Variants in SEMA5A observed in about 807,000 individuals in gnomAD.
SEMA5A encodes the protein semaphorin-5A.
In SEMA5A, 55 loss-of-function variants were observed where a neutral mutation model predicts 135.5. The observed-to-expected ratio is 0.41, with a 90% CI of 0.33 to 0.51. SEMA5A has a LOEUF of 0.51. Ranked by LOEUF, SEMA5A falls within the 20% of genes least tolerant of loss-of-function variation. The pLI, the probability that SEMA5A is intolerant of heterozygous loss-of-function variation, is 0.37. For synonymous variants in SEMA5A, 580 were observed against 546.5 expected, an observed-to-expected ratio of 1.06 and a Z score of -0.85; for missense variants, 1,290 against 1,419.9, an observed-to-expected ratio of 0.91 and a Z score of 1.47.
intron 2 of SEMA5A, among the ~76,000 whole-genome samples, chr5:9,393,152 C>A (rs1756239617): frequency 1.3e-5 from 2 of 152,114 alleles, no homozygotes; most frequent in African/African-American, 4.8e-5. Context: ...AAAAGTAACC[C>A]CCAAGTGTGT....
At chr5:9,353,448 G>A (rs1343538279) in intron 3 of SEMA5A, among the ~76,000 whole-genome samples, 1 of 151,572 alleles carries the variant, frequency 6.6e-6, no homozygotes, top group Non-Finnish European at 1.5e-5. Flanking sequence ...AAGTAAGAAG[G>A]AACCACCTCT....
chr5:9,088,659 T>TATATACACACACAC, intron 16 of SEMA5A, among the ~76,000 whole-genome samples: 1 of 112,814 alleles, frequency 8.9e-6, no homozygotes, highest in African/African-American at 4.3e-5. Flanking sequence ...TATATATATA[T>TATATACACACACAC]ACACACACAC....
chr5:9,305,975 T>C (rs910039922), intron 5 of SEMA5A, among the ~76,000 whole-genome samples: 2 of 152,164 alleles, frequency 1.3e-5, no homozygotes, highest in African/African-American at 4.8e-5. Context: ...CTTCTTCCAT[T>C]GTCTCCTGAG....
chr5:9,075,448 G>A (rs1027270267), intron 16 of SEMA5A, among the ~76,000 whole-genome samples: 1 of 151,888 alleles, frequency 6.6e-6, no homozygotes, highest in Non-Finnish European at 1.5e-5. Flanking sequence ...CAGATGGATA[G>A]CTAAACGAAT....
chr5:9,259,056 G>A (rs1347672402), intron 5 of SEMA5A, among the ~76,000 whole-genome samples: 2 of 152,008 alleles, frequency 1.3e-5, no homozygotes, highest in Middle Eastern at 3.4e-3. Context: ...TCCTGACCTC[G>A]GGTGATCTGC....
At chr5:9,136,794 T>G (rs1234428585) in intron 12 of SEMA5A, among the ~76,000 whole-genome samples, 173 bp from the exon 13 acceptor site, 1 of 152,220 alleles carries the variant, frequency 6.6e-6, no homozygotes, top group Non-Finnish European at 1.5e-5. Flanking sequence ...CTCCAGTAAG[T>G]ACCTAATATT....
intron 18 of SEMA5A, among the ~76,000 whole-genome samples, chr5:9,061,213 G>A (rs945238850): frequency 1.3e-5 from 2 of 151,936 alleles, no homozygotes; most frequent in African/African-American, 4.8e-5. Context: ...TTTCTGACCT[G>A]GATCATAACA....
At chr5:9,504,015 G>A (rs1410839768) in intron 1 of SEMA5A, among the ~76,000 whole-genome samples, 2 of 151,886 alleles carry the variant, frequency 1.3e-5, no homozygotes, top group South Asian at 4.2e-4. Context: ...AGGGATTTGA[G>A]ACTAGCCTGG....
chr5:9,201,742 G>T, intron 9 of SEMA5A, among the ~76,000 whole-genome samples: 1 of 152,292 alleles, frequency 6.6e-6, no homozygotes, highest in East Asian at 1.9e-4. Context: ...AAACTTTCTT[G>T]ATTTGGCGTA....
chr5:9,315,315 T>C (rs1752342104), intron 5 of SEMA5A, among the ~76,000 whole-genome samples: 2 of 152,192 alleles, frequency 1.3e-5, no homozygotes, highest in Admixed American at 1.3e-4. Context: ...GTTACAGAAA[T>C]GATATCCATT....
At chr5:9,132,571 A>G (rs1326491119) in intron 13 of SEMA5A, among the ~76,000 whole-genome samples, 1 of 152,210 alleles carries the variant, frequency 6.6e-6, no homozygotes, top group African/African-American at 2.4e-5. Context: ...TCCAATTTAA[A>G]TCACTCAGCC....
intron 5 of SEMA5A, among the ~76,000 whole-genome samples, chr5:9,317,542 C>T (rs1231287819): frequency 4.6e-5 from 7 of 152,122 alleles, no homozygotes; most frequent in African/African-American, 1.7e-4. Context: ...TAAAACCTAG[C>T]TCTGAAGTTC....
intron 5 of SEMA5A, among the ~76,000 whole-genome samples, chr5:9,309,765 T>A (rs1279609605): frequency 6.6e-6 from 1 of 152,154 alleles, no homozygotes; most frequent in East Asian, 1.9e-4. Flanking sequence ...AGTAAAATCT[T>A]AGTCCTCATC....
chr5:9,416,321 A>T (rs1397339812), intron 2 of SEMA5A, among the ~76,000 whole-genome samples: 1 of 152,124 alleles, frequency 6.6e-6, no homozygotes, highest in Non-Finnish European at 1.5e-5. Flanking sequence ...TCACTGGGGG[A>T]GTGGACTGTC....
At position 9,109,028 on chromosome 5, in the gene SEMA5A, A is replaced by ATTTTTTTTTTTTT. The variant is rs67762219; in HGVS notation, c.1926-754_1926-742dup. On this transcript the variant is annotated intron_variant, in intron 15 of 22. Transcript: ENST00000382496. ...TCATGAGTCATATTATTTCTCTTCA[A>ATTTTTTTTTTTTT]TTTTTTTTTTTTTTTTTTTTTTTTT... Among the ~76,000 whole-genome samples, 132 of 92,430 alleles carry ATTTTTTTTTTTTT rather than the reference A, an allele frequency of 1.4e-3. 9 individuals carry two copies. Among genetic ancestry groups the ATTTTTTTTTTTTT allele is most frequent in the African/African-American group, 2.2e-3 (47 of 21,750 alleles). 60.6% of individuals were successfully genotyped at this position (92,430 alleles called of 152,430 possible).
chr5:9,042,641 A>C lies in SEMA5A; in HGVS notation c.*256T>G, dbSNP rs1215335443. Reference sequence around the variant, plus strand: ...AAAAACAAACCAATGGACTTGTCAGAAAAATAGGATGAACACAATTAAAAA... The same window carrying C: ...AAAAACAAACCAATGGACTTGTCAGCAAAATAGGATGAACACAATTAAAAA... On this transcript the variant is annotated 3_prime_UTR_variant, in exon 23 of 23. Transcript: ENST00000382496. 1 of 414,270 alleles carries C rather than the reference A, an allele frequency of 2.4e-6. No individual in the cohort carries two copies. Among genetic ancestry groups the C allele is most frequent in the Non-Finnish European group, 4.3e-6 (1 of 233,396 alleles). The allele number at this position is 414,270 out of a possible 1,614,324, so 25.7% of individuals were successfully genotyped here. A position where few individuals can be genotyped will look rare whatever the true frequency, so the allele number is the denominator to read the frequency against.
rs748087900 is a variant in SEMA5A at position 9,050,512 on chromosome 5, A to G, written c.2846-55T>C. 73 of 1,420,736 alleles carry G rather than the reference A, an allele frequency of 5.1e-5. 1 individual carries two copies. Among genetic ancestry groups the G allele is most frequent in the Non-Finnish European group, 7.0e-5 (72 of 1,023,714 alleles). The allele number at this position is 1,420,736 out of a possible 1,614,324, so 88.0% of individuals were successfully genotyped here. On this transcript the variant is annotated intron_variant, in intron 20 of 22. Transcript: ENST00000382496. ...GTAAAAGGTGTTCAGAAGACAGTCC[A>G]CATTCATGCTTCATGTATGTTTGTC...
intron 22 of SEMA5A, among the ~76,000 whole-genome samples, chr5:9,044,082 G>A (rs1406505454): frequency 1.3e-5 from 2 of 152,122 alleles, no homozygotes; most frequent in Non-Finnish European, 1.5e-5. Context: ...CATGGCTTGT[G>A]GATCTTGGTT....
intron 4 of SEMA5A, among the ~76,000 whole-genome samples, chr5:9,320,735 C>A (rs913506868): frequency 6.6e-6 from 1 of 152,124 alleles, no homozygotes; most frequent in East Asian, 1.9e-4. Flanking sequence ...ACAAAAAGTC[C>A]TTTTCAGAGG....
Sources: gnomAD v4.1 joint callset for allele counts (sites outside exome capture counted in the v4.1 genomes callset) on GRCh38, gnomAD v4.1.1 for gene constraint, MANE v1.5 for transcripts, NCBI Gene and HGNC (gene_info 2026-07-23, HGNC 2026-07-21) for gene names.